The following EYA2 variants were observed in gnomAD, a reference collection of about 807,000 sequenced individuals.
EYA2 encodes the protein protein phosphatase EYA2.
EYA2 carries 31 observed loss-of-function variants against 69.2 expected under a neutral mutation model. The ratio of observed to expected loss-of-function variants is 0.45; its 90% CI spans 0.34 to 0.60. The LOEUF (loss-of-function observed/expected upper bound fraction) is 0.60, where lower values mean the gene tolerates loss of function less well. EYA2 is among the 20% of genes least tolerant of loss of function. The pLI, the probability that EYA2 is intolerant of heterozygous loss-of-function variation, is 0.02. For synonymous variants in EYA2, 257 were observed against 279.4 expected, an observed-to-expected ratio of 0.92 and a Z score of 0.80; for missense variants, 622 against 701.2, an observed-to-expected ratio of 0.89 and a Z score of 1.28.
intron 7 of EYA2, 146 bp from the exon 8 acceptor site, chr20:47,089,093 G>A: frequency 1.2e-6 from 1 of 862,422 alleles, no homozygotes; most frequent in Non-Finnish European, 1.8e-6. Context: ...GACTTCCAAG[G>A]GCAGTTTTCA....
chr20:47,022,999 C>G (rs1023569091), intron 5 of EYA2, among the ~76,000 whole-genome samples: 1 of 151,956 alleles, frequency 6.6e-6, no homozygotes, highest in Non-Finnish European at 1.5e-5. Flanking sequence ...TGTCCATTAG[C>G]GTCACTCCTT....
chr20:46,984,528 A>G (rs1044112815), intron 1 of EYA2, among the ~76,000 whole-genome samples: 128 of 152,334 alleles, frequency 8.4e-4, no homozygotes, highest in East Asian at 1.9e-4. Context: ...CAAAATAACT[A>G]TGAGTTATTG....
intron 5 of EYA2, among the ~76,000 whole-genome samples, chr20:47,063,434 G>C (rs1478047580): frequency 1.6e-5 from 2 of 122,820 alleles, no homozygotes; most frequent in Non-Finnish European, 1.6e-5. Flanking sequence ...TGTGTGTTTT[G>C]AGACAGTGAG....
At chr20:47,184,592 A>T (rs201101788) in intron 15 of EYA2, among the ~76,000 whole-genome samples, 1 of 145,898 alleles carries the variant, frequency 6.9e-6, no homozygotes, top group Non-Finnish European at 1.5e-5. Flanking sequence ...AATTTTTTGT[A>T]TTTTTTTTTT....
chr20:46,981,528 G>C (rs990487515), intron 1 of EYA2, among the ~76,000 whole-genome samples: 12 of 152,154 alleles, frequency 7.9e-5, no homozygotes, highest in Non-Finnish European at 1.5e-5. Flanking sequence ...TGTTTTGATT[G>C]CTATAGGTAT....
chr20:46,976,931 A>G (rs1251024686), intron 1 of EYA2, among the ~76,000 whole-genome samples: 1 of 152,194 alleles, frequency 6.6e-6, no homozygotes, highest in Non-Finnish European at 1.5e-5. Flanking sequence ...TTCTCATAAC[A>G]ACAACATGGA....
intron 15 of EYA2, among the ~76,000 whole-genome samples, chr20:47,186,061 C>G (rs190592873): frequency 7.9e-5 from 12 of 152,278 alleles, no homozygotes; most frequent in African/African-American, 2.6e-4. Flanking sequence ...CCTGGAGAGG[C>G]CTTTCCTGAC....
At chr20:47,180,772 G>T (rs755421351) in intron 13 of EYA2, 43 bp from the exon 14 acceptor site, 6 of 1,604,056 alleles carry the variant, frequency 3.7e-6, no homozygotes, top group South Asian at 1.1e-5. Context: ...GCCTGGCCTT[G>T]TGGTCCCTCT....
At chr20:47,107,658 T>C (rs2032627768) in intron 9 of EYA2, among the ~76,000 whole-genome samples, 1 of 146,334 alleles carries the variant, frequency 6.8e-6, no homozygotes, top group South Asian at 2.1e-4. Flanking sequence ...CTGGACAACA[T>C]GAGACCCTGT....
intron 1 of EYA2, among the ~76,000 whole-genome samples, chr20:46,945,578 T>G (rs560878361): frequency 6.6e-6 from 1 of 152,310 alleles, no homozygotes; most frequent in East Asian, 1.9e-4. Context: ...GAATCCACAT[T>G]CCCCAGAGCT....
intron 1 of EYA2, among the ~76,000 whole-genome samples, chr20:46,943,722 G>A (rs1986249100): frequency 6.6e-6 from 1 of 152,180 alleles, no homozygotes; most frequent in Non-Finnish European, 1.5e-5. Context: ...AAGGAAGCTA[G>A]GTTGGATTCA....
chr20:46,995,756 C>G (rs988953071), intron 2 of EYA2, among the ~76,000 whole-genome samples: 7 of 152,164 alleles, frequency 4.6e-5, no homozygotes, highest in African/African-American at 1.7e-4. Flanking sequence ...CTTAATCCTC[C>G]CAGTGAGAGG....
intron 5 of EYA2, among the ~76,000 whole-genome samples, chr20:47,028,719 A>G (rs1043450102): frequency 6.6e-6 from 1 of 152,234 alleles, no homozygotes; most frequent in Admixed American, 6.5e-5. Flanking sequence ...CACAGGGCCA[A>G]GACAGAGTCT....
intron 5 of EYA2, among the ~76,000 whole-genome samples, chr20:47,058,461 G>A (rs1011262114): frequency 4.6e-5 from 7 of 152,208 alleles, no homozygotes; most frequent in African/African-American, 1.7e-4. Flanking sequence ...ATGGGTGCGA[G>A]GGCGTTTATG....
At chr20:47,088,606 G>A (rs1001086010) in intron 7 of EYA2, among the ~76,000 whole-genome samples, 2 of 152,058 alleles carry the variant, frequency 1.3e-5, no homozygotes, top group Non-Finnish European at 2.9e-5. Context: ...GTTGATTTTA[G>A]AGAAGAGGCC....
At chr20:47,060,767 G>A (rs1443528516) in intron 5 of EYA2, among the ~76,000 whole-genome samples, 2 of 151,980 alleles carry the variant, frequency 1.3e-5, no homozygotes, top group African/African-American at 2.4e-5. Context: ...CACCTGTAAG[G>A]TTTGGATGCT....
At chr20:47,086,342 C>T (rs1280748084) in intron 7 of EYA2, among the ~76,000 whole-genome samples, 1 of 152,084 alleles carries the variant, frequency 6.6e-6, no homozygotes, top group African/African-American at 2.4e-5. Flanking sequence ...AAAAATTAGC[C>T]AGGTATGGTG....
intron 14 of EYA2, among the ~76,000 whole-genome samples, chr20:47,182,942 A>T (rs547722334): frequency 4.3e-4 from 66 of 152,278 alleles, no homozygotes; most frequent in Non-Finnish European, 9.3e-4. Context: ...GTCTCGAAAC[A>T]AAAGTGTCCA....
intron 11 of EYA2, among the ~76,000 whole-genome samples, chr20:47,171,214 A>G (rs1236280946): frequency 6.6e-6 from 1 of 152,226 alleles, no homozygotes; most frequent in Non-Finnish European, 1.5e-5. Flanking sequence ...ATTGAGAGCA[A>G]CAGTCCTCTG....
Sources: gnomAD v4.1 joint callset for allele counts (sites outside exome capture counted in the v4.1 genomes callset) on GRCh38, gnomAD v4.1.1 for gene constraint, MANE v1.5 for transcripts, NCBI Gene and HGNC (gene_info 2026-07-23, HGNC 2026-07-21) for gene names.